Variants in KDM4C observed in about 807,000 individuals in gnomAD.
KDM4C encodes lysine demethylase 4C.
KDM4C carries 81 observed loss-of-function variants against 129.3 expected under a neutral mutation model. The ratio of observed to expected loss-of-function variants is 0.63; its 90% CI spans 0.52 to 0.75. The LOEUF is 0.75. Among genes scored for constraint, KDM4C ranks in the 30% least tolerant of loss-of-function variants. The pLI is 0.00. For missense variants in KDM4C, 1,457 were observed against 1,304.0 expected (o/e 1.12, Z -1.81); for synonymous variants, 573 against 456.1 (o/e 1.26, Z -3.26).
intron 15 of KDM4C, among the ~76,000 whole-genome samples, chr9:7,024,648 G>A (rs4008320): frequency 0.52 from 78,846 of 151,774 alleles, 20,701 homozygotes; most frequent in South Asian, 0.7. Context: ...CCATGTCCCT[G>A]CAAAGGGCAT....
At chr9:7,170,437 T>A (rs1344113597) in intron 21 of KDM4C, 5 of 987,362 alleles carry the variant, frequency 5.1e-6, no homozygotes, top group Non-Finnish European at 6.0e-6. Context: ...GTGGGAATAC[T>A]AAAGCAGTTT....
At chr9:6,928,507 C>T (rs1823048126) in intron 8 of KDM4C, among the ~76,000 whole-genome samples, 1 of 152,150 alleles carries the variant, frequency 6.6e-6, no homozygotes, top group South Asian at 2.1e-4. Flanking sequence ...ATCCTACTTC[C>T]TCGTGGTTTC....
chr9:6,975,579 G>C (rs1382254393), intron 8 of KDM4C, among the ~76,000 whole-genome samples: 1 of 152,020 alleles, frequency 6.6e-6, no homozygotes, highest in Non-Finnish European at 1.5e-5. Context: ...ATTTTTTTAA[G>C]GTTATTTAAC....
chr9:7,123,455 C>A (rs1839717007), intron 18 of KDM4C, among the ~76,000 whole-genome samples: 1 of 152,182 alleles, frequency 6.6e-6, no homozygotes, highest in Non-Finnish European at 1.5e-5. Context: ...CTTCTCTTTG[C>A]CCTTTTCTGG....
chr9:7,002,124 C>T (rs537699681), intron 12 of KDM4C, among the ~76,000 whole-genome samples: 4 of 152,290 alleles, frequency 2.6e-5, no homozygotes, highest in Non-Finnish European at 5.9e-5. Context: ...AACTCCTGGC[C>T]TCAAGTGATC....
chr9:6,807,394 G>T lies in KDM4C; in HGVS notation c.320+1620G>T, dbSNP rs975629823. Among the ~76,000 whole-genome samples the T allele has an allele frequency of 4.9e-4, 71 of 145,684 alleles. 2 individuals carry two copies. The highest frequency in any genetic ancestry group is 9.3e-4 in the Non-Finnish European group (61 of 65,916). Reference sequence around the variant, plus strand: ...TGCCTGGCTGCCCAGTCTGGAAAGTGAGGAGCGTCTCCGCCCGGCCGCCAT... The same window carrying T: ...TGCCTGGCTGCCCAGTCTGGAAAGTTAGGAGCGTCTCCGCCCGGCCGCCAT... On this transcript the variant is annotated intron_variant, in intron 3 of 21. Transcript: ENST00000381309.
rs117810624 is a variant in KDM4C at position 6,757,998 on chromosome 9, C to A, written c.-223C>A. The A allele has an allele frequency of 2.0e-6, 2 of 985,282 alleles. No individual in the cohort carries two copies. The highest frequency in any genetic ancestry group is 3.5e-5 in the African/African-American group (2 of 57,240). 61.0% of individuals were successfully genotyped at this position (985,282 alleles called of 1,614,324 possible). A position where few individuals can be genotyped will look rare whatever the true frequency, so the allele number is the denominator to read the frequency against. On this transcript the variant is annotated 5_prime_UTR_variant, in exon 1 of 22. Transcript: ENST00000381309. ...AGAGCCGGCGGTGCGCGCGCCTTCGCCGCTGCCTCCCACCCACCCCCTCGA... is the reference window on the plus strand; with the variant it reads ...AGAGCCGGCGGTGCGCGCGCCTTCGACGCTGCCTCCCACCCACCCCCTCGA...
intron 3 of KDM4C, among the ~76,000 whole-genome samples, chr9:6,807,643 T>G (rs925813420): frequency 6.8e-6 from 1 of 147,268 alleles, no homozygotes; most frequent in African/African-American, 2.5e-5. Flanking sequence ...ACCCTCTGCC[T>G]GGCAACCACC....
At chr9:6,779,498 A>G (rs960439344) in intron 1 of KDM4C, among the ~76,000 whole-genome samples, 1 of 152,174 alleles carries the variant, frequency 6.6e-6, no homozygotes, top group Non-Finnish European at 1.5e-5. Context: ...TCGTGAAACA[A>G]ACAGGTTCCA....
At chr9:6,893,045 A>T in intron 7 of KDM4C, 50 bp from the exon 8 acceptor site, 1 of 1,332,524 alleles carries the variant, frequency 7.5e-7, no homozygotes, top group East Asian at 2.6e-5. Context: ...TGTATTCATA[A>T]TTTAGGAAGT....
At chr9:7,091,408 TC>T (rs1277487401) in intron 17 of KDM4C, among the ~76,000 whole-genome samples, 1 of 152,168 alleles carries the variant, frequency 6.6e-6, no homozygotes, top group African/African-American at 2.4e-5. Context: ...GAATTTTTTT[TC>T]ACTAAAACAC....
chr9:7,015,468 G>A (rs1454777921), intron 14 of KDM4C, among the ~76,000 whole-genome samples: 1 of 151,986 alleles, frequency 6.6e-6, no homozygotes, highest in Non-Finnish European at 1.5e-5. Flanking sequence ...AAGGTAGTTA[G>A]ACTTAATTTT....
At chr9:6,732,196 C>G (rs1471927687) in intron 1 of KDM4C, among the ~76,000 whole-genome samples, 2 of 151,172 alleles carry the variant, frequency 1.3e-5, no homozygotes, top group African/African-American at 4.9e-5. Context: ...GAAACCCCAT[C>G]TTTACTAAAA....
intron 5 of KDM4C, among the ~76,000 whole-genome samples, chr9:6,855,841 G>A (rs552772834): frequency 6.6e-6 from 1 of 152,312 alleles, no homozygotes; most frequent in East Asian, 1.9e-4. Flanking sequence ...ATTAAAATGT[G>A]AGCTCTGGGA....
intron 19 of KDM4C, among the ~76,000 whole-genome samples, chr9:7,136,069 C>T (rs1026598453): frequency 3.3e-5 from 5 of 152,184 alleles, no homozygotes; most frequent in South Asian, 2.1e-4. Flanking sequence ...AAAGAAGTCA[C>T]GTTGAGGAAG....
Position 7,089,327 on chromosome 9 carries a change from A to G in KDM4C, c.2425-14358A>G, listed in dbSNP as rs368722102. Among the ~76,000 whole-genome samples the G allele has an allele frequency of 4.6e-5, 7 of 152,338 alleles. No homozygotes were observed. The East Asian group carries it at 5.8e-4, about 13-fold the overall frequency. ...AGGGAAAAATTATATACAGAGCACC[A>G]TAGTGGCACACAACTTTGAGGCATT... is the stretch of plus-strand genomic sequence containing the variant. On this transcript the variant is annotated intron_variant, in intron 17 of 21. Coordinates refer to ENST00000381309, the MANE Select transcript of KDM4C (RefSeq NM_015061.6).
chr9:7,015,453 G>A (rs561741465), intron 14 of KDM4C, among the ~76,000 whole-genome samples: 50 of 151,856 alleles, frequency 3.3e-4, no homozygotes, highest in African/African-American at 1.2e-3. Context: ...CTATCATTGA[G>A]GTTAAAGGTA....
At chr9:7,019,796 AGC>A (rs1824450158) in intron 15 of KDM4C, among the ~76,000 whole-genome samples, 1 of 70,676 alleles carries the variant, frequency 1.4e-5, no homozygotes, top group Non-Finnish European at 3.3e-5. Context: ...ATATTTTAGA[AGC>A]AAAGACATCT....
At chr9:7,170,053 A>G in intron 21 of KDM4C, 163 bp downstream of exon 21, 1 of 1,512,876 alleles carries the variant, frequency 6.6e-7, no homozygotes. Flanking sequence ...GCAAACTTCA[A>G]ATTCAACCAA....
Sources: gnomAD v4.1 joint callset for allele counts (sites outside exome capture counted in the v4.1 genomes callset) on GRCh38, gnomAD v4.1.1 for gene constraint, MANE v1.5 for transcripts, NCBI Gene and HGNC (gene_info 2026-07-23, HGNC 2026-07-21) for gene names.